ROBO2: variants seen among roughly 807,000 people sequenced by gnomAD.
ROBO2 encodes the protein roundabout guidance receptor 2, also known as roundabout homolog 2.
A neutral mutation model predicts 160.8 loss-of-function variants in ROBO2; 53 were observed. The observed-to-expected ratio is 0.33, with a 90% confidence interval of 0.26 to 0.41. The LOEUF is 0.41. Among genes scored for constraint, ROBO2 ranks in the 10% least tolerant of loss-of-function variants. The pLI is 1.00. For synonymous variants in ROBO2, 664 were observed against 611.7 expected (o/e 1.09, Z -1.26); for missense variants, 1,577 against 1,722.4 (o/e 0.92, Z 1.49).
intron 2 of ROBO2, among the ~76,000 whole-genome samples, chr3:76,035,547 A>T (rs913461259): frequency 6.6e-6 from 1 of 152,020 alleles, no homozygotes; most frequent in Non-Finnish European, 1.5e-5. Flanking sequence ...AATAACCAGC[A>T]GACTGTTTAA....
chr3:76,119,030 C>T (rs2070603810), intron 2 of ROBO2, among the ~76,000 whole-genome samples: 1 of 152,020 alleles, frequency 6.6e-6, no homozygotes, highest in Admixed American at 6.6e-5. Flanking sequence ...AATGACTACT[C>T]TTGGGAAATG....
chr3:77,446,921 T>G (rs1226640906), intron 2 of ROBO2, among the ~76,000 whole-genome samples: 1 of 152,098 alleles, frequency 6.6e-6, no homozygotes, highest in Non-Finnish European at 1.5e-5. Flanking sequence ...TTGAGCAGAA[T>G]GAATCCATCT....
chr3:76,882,734 TC>T (rs1183589949), intron 2 of ROBO2, among the ~76,000 whole-genome samples: 29 of 152,314 alleles, frequency 1.9e-4, no homozygotes, highest in African/African-American at 6.7e-4. Context: ...TCTTACTGTA[TC>T]TGTTCATTGT....
chr3:75,985,352 A>T (rs1424579233), intron 2 of ROBO2, among the ~76,000 whole-genome samples: 1 of 151,616 alleles, frequency 6.6e-6, no homozygotes, highest in East Asian at 1.9e-4. Context: ...CACTTAAAAG[A>T]CAGTGATACA....
chr3:77,357,024 G>A lies in ROBO2; in HGVS notation c.389-120390G>A, dbSNP rs548367824. ...GTTTAGTTTGGAACAGGGTGCTACC[G>A]TTGTGACCTTTCTTGGATTATTATA... On this transcript the variant is annotated intron_variant, in intron 2 of 25. Transcript: ENST00000461745. Among the ~76,000 whole-genome samples, 99 of 152,300 alleles carry A rather than the reference G, an allele frequency of 6.5e-4. 1 individual carries two copies. In the South Asian group the frequency reaches 0.016, roughly 25 times the overall value.
In ROBO2 at chr3:77,289,596, A is replaced by C. The variant is rs371686734; in HGVS notation, c.389-187818A>C. On this transcript the variant is annotated intron_variant, in intron 2 of 25. Coordinates refer to ENST00000461745, the Ensembl canonical transcript of ROBO2. ...AAGCTGAGGCTAGATCACCAAAGACATAAAGTAAAATTGACGGTTAAACGG... is the reference window on the plus strand; with the variant it reads ...AAGCTGAGGCTAGATCACCAAAGACCTAAAGTAAAATTGACGGTTAAACGG... Among the ~76,000 whole-genome samples the C allele has an allele frequency of 4.6e-5, 7 of 152,158 alleles. No individual in the cohort carries two copies. The East Asian group carries it at 1.2e-3, about 25-fold the overall frequency.
At chr3:77,139,205 C>T (rs79295717) in intron 2 of ROBO2, among the ~76,000 whole-genome samples, 6,075 of 152,076 alleles carry the variant, frequency 0.04, 178 homozygotes, top group East Asian at 0.084. Flanking sequence ...TGGAGACAAA[C>T]TGCTTCCAAA....
intron 2 of ROBO2, among the ~76,000 whole-genome samples, chr3:77,158,973 C>T (rs1045341789): frequency 1.3e-5 from 2 of 152,150 alleles, no homozygotes; most frequent in Admixed American, 6.5e-5. Context: ...AGCAGTAGTA[C>T]GTTATCATTA....
At chr3:77,585,065 T>C (rs1356057335) in intron 16 of ROBO2, among the ~76,000 whole-genome samples, 2 of 151,054 alleles carry the variant, frequency 1.3e-5, no homozygotes, top group Admixed American at 6.6e-5. Flanking sequence ...ATTGGCTGAA[T>C]ATAATTGTTC....
intron 2 of ROBO2, among the ~76,000 whole-genome samples, chr3:76,392,348 G>A (rs1401603255): frequency 6.6e-6 from 1 of 152,060 alleles, no homozygotes. Flanking sequence ...CATGCATAGT[G>A]AATAGCCAAC....
chr3:77,461,021 T>C (rs1164941466), intron 2 of ROBO2, among the ~76,000 whole-genome samples: 1 of 152,202 alleles, frequency 6.6e-6, no homozygotes, highest in East Asian at 1.9e-4. Flanking sequence ...TATACTTTTG[T>C]ACCATTTTAA....
At chr3:76,834,043 T>TCTTTCTTTCCCTC (rs1491115477) in intron 2 of ROBO2, among the ~76,000 whole-genome samples, 1 of 149,042 alleles carries the variant, frequency 6.7e-6, no homozygotes, top group South Asian at 2.1e-4. Flanking sequence ...TTCTTTCCTT[T>TCTTTCTTTCCCTC]CTTTCTCTCC....
chr3:76,550,902 TGCAGGCAACC>T (rs2083375389), intron 2 of ROBO2, among the ~76,000 whole-genome samples: 1 of 152,176 alleles, frequency 6.6e-6, no homozygotes, highest in Non-Finnish European at 1.5e-5. Flanking sequence ...AGTGCAGGCC[TGCAGGCAACC>T]CTTAGTGTGA....
intron 2 of ROBO2, among the ~76,000 whole-genome samples, chr3:77,311,626 A>T (rs949292321): frequency 3.9e-5 from 6 of 152,260 alleles, no homozygotes; most frequent in African/African-American, 1.4e-4. Context: ...GGAAATGGGG[A>T]TTGAACTGGG....
chr3:77,308,006 A>G (rs187016577), intron 2 of ROBO2, among the ~76,000 whole-genome samples: 151 of 152,220 alleles, frequency 9.9e-4, no homozygotes, highest in Admixed American at 1.8e-3. Flanking sequence ...CAAATCTAGG[A>G]AATGTGAAAT....
chr3:76,484,735 T>G (rs1181163406), intron 2 of ROBO2, among the ~76,000 whole-genome samples: 1 of 152,180 alleles, frequency 6.6e-6, no homozygotes, highest in Non-Finnish European at 1.5e-5. Context: ...TTGCTTATTA[T>G]TTCAAGTGGT....
At chr3:76,325,131 A>T (rs1295189897) in intron 2 of ROBO2, among the ~76,000 whole-genome samples, 5 of 152,182 alleles carry the variant, frequency 3.3e-5, no homozygotes, top group African/African-American at 1.2e-4. Flanking sequence ...AACAAAACAG[A>T]TCAGACTCAA....
intron 2 of ROBO2, among the ~76,000 whole-genome samples, chr3:75,947,475 C>G (rs1948354037): frequency 6.6e-6 from 1 of 152,010 alleles, no homozygotes; most frequent in Non-Finnish European, 1.5e-5. Context: ...AATTTTTCAG[C>G]AAGGAAAGTT....
At chr3:77,417,956 T>C (rs1021757891) in intron 2 of ROBO2, among the ~76,000 whole-genome samples, 1 of 152,128 alleles carries the variant, frequency 6.6e-6, no homozygotes, top group African/African-American at 2.4e-5. Flanking sequence ...TAAGTTCTTA[T>C]ATTTTTATTA....
Sources: gnomAD v4.1 joint callset for allele counts (sites outside exome capture counted in the v4.1 genomes callset) on GRCh38, gnomAD v4.1.1 for gene constraint, MANE v1.5 for transcripts, NCBI Gene and HGNC (gene_info 2026-07-23, HGNC 2026-07-21) for gene names.